The following WDR27 variants were observed in gnomAD, a reference collection of about 807,000 sequenced individuals.
WDR27 encodes WD repeat domain 27.
WDR27 carries 100 observed loss-of-function variants against 114.4 expected under a neutral mutation model. The observed-to-expected ratio is 0.87, with a 90% CI of 0.74 to 1.03. The LOEUF is 1.03. Ranked by LOEUF, WDR27 falls within the 50% of genes least tolerant of loss-of-function variation. WDR27 has a pLI of 0.00. For synonymous variants in WDR27, 449 were observed against 423.1 expected (o/e 1.06, Z -0.75); for missense variants, 1,129 against 1,092.9 (o/e 1.03, Z -0.47).
chr6:169,433,996 CAGAT>C, the WDR27 span, among the ~76,000 whole-genome samples: 2 of 152,186 alleles, frequency 1.3e-5, no homozygotes, highest in Admixed American at 6.5e-5. Context: ...AGCCCTTTGT[CAGAT>C]GGATAGATTG....
the WDR27 span, among the ~76,000 whole-genome samples, chr6:169,445,381 G>A: frequency 6.6e-6 from 1 of 152,066 alleles, no homozygotes; most frequent in African/African-American, 2.4e-5. Context: ...AGCCTGGACC[G>A]CGAAGGTGTA....
chr6:169,489,700 A>C (rs1390171970), intron 25 of WDR27, among the ~76,000 whole-genome samples: 2 of 152,200 alleles, frequency 1.3e-5, no homozygotes, highest in Non-Finnish European at 1.5e-5. Context: ...CAATTCACTC[A>C]GCGTTTCCAG....
intron 25 of WDR27, among the ~76,000 whole-genome samples, chr6:169,514,526 A>G (rs904793558): frequency 3.5e-5 from 2 of 56,928 alleles, no homozygotes; most frequent in Non-Finnish European, 8.7e-5. Flanking sequence ...AACTATATAT[A>G]TATTTATATA....
intron 25 of WDR27, among the ~76,000 whole-genome samples, chr6:169,531,009 C>T (rs1328451094): frequency 6.6e-6 from 1 of 152,200 alleles, no homozygotes; most frequent in Admixed American, 6.5e-5. Context: ...CTTTCTGCCA[C>T]AGCACCTAGC....
chr6:169,489,212 T>A (rs975288863), intron 25 of WDR27, among the ~76,000 whole-genome samples: 6 of 152,188 alleles, frequency 3.9e-5, no homozygotes, highest in Non-Finnish European at 8.8e-5. Context: ...CTCCTGTGCA[T>A]GGCACCTGCA....
At chr6:169,637,367 C>T (rs531545738) in intron 18 of WDR27, among the ~76,000 whole-genome samples, 4 of 152,336 alleles carry the variant, frequency 2.6e-5, no homozygotes, top group South Asian at 4.1e-4. Context: ...ATGTGGCATT[C>T]GCAGACCATA....
At chr6:169,480,740 A>G (rs573120495) in intron 25 of WDR27, among the ~76,000 whole-genome samples, 1 of 152,028 alleles carries the variant, frequency 6.6e-6, no homozygotes, top group South Asian at 2.1e-4. Flanking sequence ...CTCTGTGTCT[A>G]GCTAATCTAA....
intron 25 of WDR27, among the ~76,000 whole-genome samples, chr6:169,510,883 T>G (rs1792747999): frequency 6.6e-6 from 1 of 152,218 alleles, no homozygotes; most frequent in African/African-American, 2.4e-5. Flanking sequence ...TGCTTGATAC[T>G]ATTTCTTAGT....
the WDR27 span, among the ~76,000 whole-genome samples, chr6:169,439,676 GA>G: frequency 6.6e-6 from 1 of 151,896 alleles, no homozygotes; most frequent in African/African-American, 2.4e-5. Context: ...CCATATTTAA[GA>G]AAACTTTCTT....
At chr6:169,490,116 A>G (rs926691209) in intron 25 of WDR27, among the ~76,000 whole-genome samples, 9 of 152,202 alleles carry the variant, frequency 5.9e-5, no homozygotes, top group Admixed American at 3.9e-4. Context: ...TGTCACCACT[A>G]AAGGGTCCAC....
the WDR27 span, among the ~76,000 whole-genome samples, chr6:169,430,797 C>A: frequency 3.3e-5 from 5 of 152,088 alleles, no homozygotes; most frequent in African/African-American, 1.2e-4. Context: ...GAATTGTGAA[C>A]CCCATGATTA....
intron 3 of WDR27, 156 bp from the exon 4 acceptor site, chr6:169,670,849 A>C (rs1778546489): frequency 2.0e-6 from 2 of 1,013,506 alleles, no homozygotes; most frequent in South Asian, 1.8e-5. Context: ...AATATCAAAA[A>C]TACTGGATAT....
At chr6:169,567,941 G>A (rs1166459869) in intron 25 of WDR27, among the ~76,000 whole-genome samples, 1 of 152,210 alleles carries the variant, frequency 6.6e-6, no homozygotes, top group East Asian at 1.9e-4. Context: ...CGTAAAGCTG[G>A]GAGGAAGGGC....
At chr6:169,648,089 A>G (rs561601179) in intron 15 of WDR27, among the ~76,000 whole-genome samples, 1 of 152,204 alleles carries the variant, frequency 6.6e-6, no homozygotes, top group Non-Finnish European at 1.5e-5. Flanking sequence ...GCCAAAAAAG[A>G]CACATATTTT....
At position 169,633,021 on chromosome 6, in the gene WDR27, G is replaced by T. The variant is rs1007905812; in HGVS notation, c.2149C>A (p.Leu717Ile). ...GRNRTVEVFD[L>I]NAGCSAAVIA... ...ACCGCTGCACTGCAGCCGGCGTTGA[G>T]GTCAAACACTTCCACGGTCCTGTTC... The change falls in exon 21 of 26, where the codon CTC (leucine) becomes ATC (isoleucine). Residue 717 changes from leucine to isoleucine, a missense_variant. Leu to Ile is a conservative substitution (Grantham distance 5). Coordinates refer to ENST00000448612, the MANE Select transcript of WDR27 (RefSeq NM_182552.5). The T allele has an allele frequency of 7.5e-6, 12 of 1,598,066 alleles. No homozygotes were observed. The highest frequency in any genetic ancestry group is 1.0e-5 in the Non-Finnish European group (12 of 1,167,076).
chr6:169,659,124 C>T lies in WDR27; in HGVS notation c.1281G>A (p.Gln427=). 1 of 1,602,742 alleles carries T rather than the reference C, an allele frequency of 6.2e-7. No homozygotes were observed. The highest frequency in any genetic ancestry group is 8.5e-7 in the Non-Finnish European group (1 of 1,175,200). The change falls in exon 12 of 26, where the codon CAG becomes CAA. Residue 427 remains glutamine (Q), a synonymous_variant. Coordinates refer to ENST00000448612, the MANE Select transcript of WDR27 (RefSeq NM_182552.5). The surrounding 1 kb of genome is among the most constrained non-coding windows in gnomAD (Gnocchi z 4.3). ...INPAALVRAQ[Q]CPSMGQSLSV... The stretch of plus-strand genomic sequence containing the variant: ...AGAGGCTCTGCCCCATGCTGGGGCA[C>T]TGCTGAGCCCTGACTAGCGCGGCCG...
intron 25 of WDR27, among the ~76,000 whole-genome samples, chr6:169,570,441 A>G (rs1801193240): frequency 6.6e-6 from 1 of 152,204 alleles, no homozygotes; most frequent in African/African-American, 2.4e-5. Flanking sequence ...TGTGTACGTG[A>G]TGCTTCACTC....
chr6:169,581,466 T>C (rs1423593943), intron 24 of WDR27, among the ~76,000 whole-genome samples: 3 of 152,198 alleles, frequency 2.0e-5, no homozygotes, highest in Admixed American at 6.5e-5. Flanking sequence ...AAATGTGGAA[T>C]AGGTGATGGC....
chr6:169,682,933 A>AAT (rs1328454482), intron 2 of WDR27, among the ~76,000 whole-genome samples: 3 of 152,238 alleles, frequency 2.0e-5, no homozygotes, highest in African/African-American at 7.2e-5. Flanking sequence ...TGAAAAATGC[A>AAT]ATAGATAGCA....
Sources: allele counts gnomAD v4.1 joint callset (sites outside exome capture counted in the v4.1 genomes callset), GRCh38; gene constraint gnomAD v4.1.1; non-coding constraint Gnocchi (gnomAD v3.1); transcripts MANE v1.5; gene names NCBI Gene and HGNC (gene_info 2026-07-23, HGNC 2026-07-21).